The following RNF125 variants were observed in gnomAD, a reference collection of about 807,000 sequenced individuals.
RNF125 encodes E3 ubiquitin-protein ligase RNF125.
RNF125 carries 21 observed loss-of-function variants against 26.0 expected under a neutral mutation model. The ratio of observed to expected loss-of-function variants is 0.81; its 90% CI spans 0.57 to 1.16. The LOEUF (loss-of-function observed/expected upper bound fraction) is 1.16, where lower values mean the gene tolerates loss of function less well. Ranked by LOEUF, RNF125 falls within the 50% of genes most tolerant of loss-of-function variation. The pLI is 0.00. For missense variants in RNF125, 270 were observed against 299.4 expected, an observed-to-expected ratio of 0.90 and a Z score of 0.72; for synonymous variants, 95 against 109.2, an observed-to-expected ratio of 0.87 and a Z score of 0.81.
At chr18:32,079,816 A>T in the RNF125 span, among the ~76,000 whole-genome samples, 1 of 152,160 alleles carries the variant, frequency 6.6e-6, no homozygotes, top group Non-Finnish European at 1.5e-5. Context: ...CTTATAGGAG[A>T]AGCGGTATTA....
intron 4 of RNF125, among the ~76,000 whole-genome samples, chr18:32,051,237 C>G (rs1018579280): frequency 1.8e-4 from 27 of 152,062 alleles, no homozygotes; most frequent in African/African-American, 6.5e-4. Flanking sequence ...GTCATGGGAC[C>G]TAAGTCTTTC....
chr18:32,052,594 G>A (rs1422380303), intron 4 of RNF125, among the ~76,000 whole-genome samples: 1 of 151,850 alleles, frequency 6.6e-6, no homozygotes, highest in East Asian at 1.9e-4. Flanking sequence ...TTCTTCTTTG[G>A]GTATTGGATT....
chr18:32,040,549 C>A (rs567468319), intron 2 of RNF125, among the ~76,000 whole-genome samples: 4 of 152,120 alleles, frequency 2.6e-5, no homozygotes, highest in Non-Finnish European at 4.4e-5. Context: ...GAATTACAGG[C>A]GTGAGCTACC....
chr18:32,039,466 A>G (rs1337901622), intron 2 of RNF125, among the ~76,000 whole-genome samples: 1 of 152,152 alleles, frequency 6.6e-6, no homozygotes, highest in Non-Finnish European at 1.5e-5. Flanking sequence ...GGTAAATGAT[A>G]AATATATATG....
chr18:32,041,431 T>G (rs966160076), intron 2 of RNF125, among the ~76,000 whole-genome samples: 21 of 152,136 alleles, frequency 1.4e-4, no homozygotes, highest in Non-Finnish European at 2.6e-4. Flanking sequence ...ATCCATTTAT[T>G]CTTCTTATCT....
the RNF125 span, among the ~76,000 whole-genome samples, chr18:32,085,373 CAGAGAGAGAGAGAGAGAGAGAGAGAG>C: frequency 3.3e-4 from 42 of 128,724 alleles, no homozygotes; most frequent in African/African-American, 1.1e-3. Context: ...CTGCCAGAAG[CAGAGAGAGAGAGAGAGAGAGAGAGAG>C]AGAGAGAGAG....
chr18:32,037,402 C>A, intron 2 of RNF125, 133 bp downstream of exon 2: 1 of 510,186 alleles, frequency 2.0e-6, no homozygotes, highest in South Asian at 3.1e-5. Context: ...GACAGGTTCT[C>A]GCTCTTTCAC....
intron 1 of RNF125, among the ~76,000 whole-genome samples, chr18:32,030,188 C>T (rs777736056): frequency 2.0e-5 from 3 of 152,084 alleles, no homozygotes; most frequent in African/African-American, 4.8e-5. Context: ...GGACTACTGG[C>T]GCATGCTGCC....
Position 32,045,685 on chromosome 18 carries a change from T to C in RNF125, c.457T>C (p.Leu153=). Residue 153 remains leucine, a synonymous_variant, in exon 4 of 6, where the codon TTG becomes CTG. Coordinates refer to ENST00000217740, the MANE Select transcript of RNF125 (RefSeq NM_017831.4). ...TCAGAGGGAACTGTATGAAGACAGC[T>C]TGCTGGATCATTGTATTACTCATCA... is the stretch of plus-strand genomic sequence containing the variant. The part of the protein sequence containing the change: ...FCQRELYEDS[L]LDHCITHHRS... 1 of 1,612,922 alleles carries C rather than the reference T, an allele frequency of 6.2e-7. No individual in the cohort carries two copies. The highest frequency in any genetic ancestry group is 8.5e-7 in the Non-Finnish European group (1 of 1,179,688).
chr18:32,058,288 A>G (rs561893618), intron 4 of RNF125, among the ~76,000 whole-genome samples: 1 of 152,286 alleles, frequency 6.6e-6, no homozygotes, highest in South Asian at 2.1e-4. Flanking sequence ...ACATCAGGGT[A>G]AATGGCATAC....
chr18:32,058,577 C>T (rs2039407786), intron 4 of RNF125, among the ~76,000 whole-genome samples: 2 of 152,122 alleles, frequency 1.3e-5, no homozygotes, highest in African/African-American at 4.8e-5. Flanking sequence ...AACTCCTGAC[C>T]TCAGGTGATC....
chr18:32,042,127 T>A, intron 2 of RNF125, 52 bp from the exon 3 acceptor site: 1 of 1,315,556 alleles, frequency 7.6e-7, no homozygotes, highest in Non-Finnish European at 1.1e-6. Flanking sequence ...GCATAAGCTT[T>A]CATTGAGCCC....
intron 1 of RNF125, among the ~76,000 whole-genome samples, chr18:32,022,287 T>A (rs988232982): frequency 6.6e-6 from 1 of 152,226 alleles, no homozygotes; most frequent in African/African-American, 2.4e-5. Flanking sequence ...GAGCACTTTA[T>A]AAGTTGTATT....
At chr18:32,051,754 G>A (rs1194704212) in intron 4 of RNF125, among the ~76,000 whole-genome samples, 6 of 148,074 alleles carry the variant, frequency 4.1e-5, no homozygotes, top group Non-Finnish European at 7.4e-5. Flanking sequence ...GAGTGTAGTG[G>A]CGTGATCTCA....
the RNF125 span, among the ~76,000 whole-genome samples, chr18:32,087,645 G>C: frequency 6.6e-6 from 1 of 152,102 alleles, no homozygotes; most frequent in Admixed American, 6.5e-5. Flanking sequence ...TACACAATTG[G>C]TTATTGTGGA....
intron 3 of RNF125, among the ~76,000 whole-genome samples, chr18:32,044,550 A>AT (rs1228274400): frequency 3.3e-5 from 5 of 151,242 alleles, no homozygotes; most frequent in East Asian, 3.9e-4. Flanking sequence ...GAATTTTTTT[A>AT]TTTTTTTTGA....
chr18:32,089,421 A>G, the RNF125 span, among the ~76,000 whole-genome samples: 1 of 152,184 alleles, frequency 6.6e-6, no homozygotes, highest in African/African-American at 2.4e-5. Flanking sequence ...CCCAAACTTA[A>G]AGGAACTGTT....
At chr18:32,023,651 T>A (rs1441665661) in intron 1 of RNF125, among the ~76,000 whole-genome samples, 1 of 152,208 alleles carries the variant, frequency 6.6e-6, no homozygotes, top group Non-Finnish European at 1.5e-5. Flanking sequence ...TCCAATTATG[T>A]CCTGTTCAGA....
rs1417014627 is a variant in RNF125, at chr18:32,069,788, TTTCCAG to T, written c.*1409_*1414del. The T allele has an allele frequency of 6.6e-6, 1 of 152,212 alleles. No homozygotes were observed. Among genetic ancestry groups the T allele is most frequent in the Non-Finnish European group, 1.5e-5 (1 of 68,036 alleles). The allele number at this position is 152,212 out of a possible 1,614,324, so 9.4% of individuals were successfully genotyped here. ...TTTTTAATCTAGAAGTTCCTCCTTCTTTCCAGTTCCTTAAAATTTACCTGGTGAAGA... is the reference window on the plus strand; with the variant it reads ...TTTTTAATCTAGAAGTTCCTCCTTCTTTCCTTAAAATTTACCTGGTGAAGA... On this transcript the variant is annotated 3_prime_UTR_variant, in exon 6 of 6. Coordinates refer to ENST00000217740, the MANE Select transcript of RNF125 (RefSeq NM_017831.4).
Sources: allele counts gnomAD v4.1 joint callset (sites outside exome capture counted in the v4.1 genomes callset), GRCh38; gene constraint gnomAD v4.1.1; transcripts MANE v1.5; gene names NCBI Gene and HGNC (gene_info 2026-07-23, HGNC 2026-07-21).